The following STX8 variants were observed in gnomAD, a reference collection of about 807,000 sequenced individuals.
STX8 encodes syntaxin 8.
In STX8, 23 loss-of-function variants were observed where a neutral mutation model predicts 37.5. The observed-to-expected ratio is 0.61, with a 90% CI of 0.44 to 0.87. The LOEUF is 0.87. Among genes scored for constraint, STX8 ranks in the 40% least tolerant of loss-of-function variants. The pLI is 0.00. For synonymous variants in STX8, 115 were observed against 99.1 expected (o/e 1.16, Z -0.95); for missense variants, 313 against 284.7 (o/e 1.10, Z -0.71).
At chr17:9,362,828 C>CA (rs765809132) in intron 7 of STX8, among the ~76,000 whole-genome samples, 18,134 of 101,750 alleles carry the variant, frequency 0.18, 1,778 homozygotes, top group Non-Finnish European at 0.22. Context: ...GACTCCGTCT[C>CA]AAAAAAAAAA....
chr17:9,293,763 T>C (rs547607328), intron 7 of STX8, among the ~76,000 whole-genome samples: 1 of 146,690 alleles, frequency 6.8e-6, no homozygotes, highest in East Asian at 1.9e-4. Flanking sequence ...CCATTTATAG[T>C]ACTTTTTTTT....
chr17:9,447,385 T>C (rs376172869), intron 6 of STX8, among the ~76,000 whole-genome samples: 1 of 152,230 alleles, frequency 6.6e-6, no homozygotes, highest in African/African-American at 2.4e-5. Flanking sequence ...TGCATTTGCC[T>C]GGGGATAAAA....
At chr17:9,480,037 T>C (rs942655624) in intron 6 of STX8, among the ~76,000 whole-genome samples, 5 of 152,222 alleles carry the variant, frequency 3.3e-5, no homozygotes, top group Non-Finnish European at 7.3e-5. Context: ...TGTTCAAATA[T>C]CATTTTCCCA....
intron 6 of STX8, among the ~76,000 whole-genome samples, chr17:9,470,275 G>T (rs1326022228): frequency 1.3e-5 from 2 of 152,140 alleles, no homozygotes; most frequent in Admixed American, 6.6e-5. Flanking sequence ...CTCCTTTAAG[G>T]ATTTGAAATT....
chr17:9,373,653 A>G (rs1911485549), intron 7 of STX8, among the ~76,000 whole-genome samples: 3 of 152,206 alleles, frequency 2.0e-5, no homozygotes, highest in African/African-American at 7.2e-5. Context: ...GATGTTAAAA[A>G]AAGTGGCTGG....
chr17:9,282,473 G>A (rs1454511073), intron 7 of STX8, among the ~76,000 whole-genome samples: 3 of 152,044 alleles, frequency 2.0e-5, no homozygotes, highest in African/African-American at 7.2e-5. Context: ...TCTTTGCCTT[G>A]GTAGAGTACA....
At chr17:9,322,814 T>TAAA (rs59941529) in intron 7 of STX8, among the ~76,000 whole-genome samples, 1,054 of 64,696 alleles carry the variant, frequency 0.016, 38 homozygotes, top group Non-Finnish European at 0.021. Flanking sequence ...GTGCATTTGC[T>TAAA]AAAAAAAAAA....
intron 7 of STX8, among the ~76,000 whole-genome samples, chr17:9,346,855 C>T (rs1313683507): frequency 1.3e-5 from 2 of 152,080 alleles, no homozygotes; most frequent in Admixed American, 6.6e-5. Context: ...TTGCTGGGCA[C>T]GGTGGCTCCC....
intron 4 of STX8, among the ~76,000 whole-genome samples, chr17:9,540,121 G>A (rs1209670411): frequency 1.3e-5 from 2 of 152,140 alleles, no homozygotes; most frequent in African/African-American, 4.8e-5. Context: ...TACATAGGCA[G>A]GTGAAGGAAA....
chr17:9,255,549 A>AATAT (rs1252549360), intron 7 of STX8, among the ~76,000 whole-genome samples: 18 of 69,116 alleles, frequency 2.6e-4, no homozygotes, highest in South Asian at 1.1e-3. Context: ...TAAATAAATA[A>AATAT]ATAAATATAT....
intron 6 of STX8, among the ~76,000 whole-genome samples, chr17:9,444,758 T>C (rs994604322): frequency 3.9e-5 from 6 of 152,338 alleles, no homozygotes; most frequent in East Asian, 1.9e-4. Context: ...ACAATTTCTT[T>C]AGGATACTGG....
chr17:9,408,754 C>T (rs190426489), intron 6 of STX8, among the ~76,000 whole-genome samples: 1 of 152,288 alleles, frequency 6.6e-6, no homozygotes, highest in Non-Finnish European at 1.5e-5. Flanking sequence ...GACAATGTAT[C>T]TGGATTTCAG....
chr17:9,541,889 G>A (rs868268005), intron 4 of STX8, among the ~76,000 whole-genome samples: 3 of 152,086 alleles, frequency 2.0e-5, no homozygotes, highest in African/African-American at 7.2e-5. Context: ...TAGAGCAGTC[G>A]TTCTAACCCT....
At chr17:9,442,088 C>A (rs993974184) in intron 6 of STX8, among the ~76,000 whole-genome samples, 12 of 152,136 alleles carry the variant, frequency 7.9e-5, no homozygotes, top group Non-Finnish European at 1.8e-4. Context: ...CTGAGAGCAC[C>A]CCACGTGTCT....
chr17:9,534,877 T>C (rs77052447), intron 4 of STX8, among the ~76,000 whole-genome samples: 1,821 of 151,946 alleles, frequency 0.012, 43 homozygotes, highest in East Asian at 0.052. Context: ...TTTTAGAAAA[T>C]GTGGTACTAG....
At chr17:9,297,881 G>A (rs1908622804) in intron 7 of STX8, among the ~76,000 whole-genome samples, 1 of 152,156 alleles carries the variant, frequency 6.6e-6, no homozygotes, top group African/African-American at 2.4e-5. Context: ...GGATGCAGCA[G>A]GAGCATCTTC....
chr17:9,497,018 G>A (rs1904430155), intron 5 of STX8, among the ~76,000 whole-genome samples: 2 of 152,182 alleles, frequency 1.3e-5, no homozygotes, highest in African/African-American at 4.8e-5. Context: ...AGCAGCAATA[G>A]AAAACTAATA....
chr17:9,479,114 T>C (rs1906211960), intron 6 of STX8, among the ~76,000 whole-genome samples: 1 of 152,184 alleles, frequency 6.6e-6, no homozygotes, highest in African/African-American at 2.4e-5. Context: ...TAAACACCTG[T>C]TGAATGGATA....
At chr17:9,260,357 C>T (rs1409270500) in intron 7 of STX8, among the ~76,000 whole-genome samples, 1 of 152,088 alleles carries the variant, frequency 6.6e-6, no homozygotes, top group Non-Finnish European at 1.5e-5. Context: ...GGCGCGGTGG[C>T]TCACACCTGT....
Sources: gnomAD v4.1 joint callset for allele counts (sites outside exome capture counted in the v4.1 genomes callset) on GRCh38, gnomAD v4.1.1 for gene constraint, MANE v1.5 for transcripts, NCBI Gene and HGNC (gene_info 2026-07-23, HGNC 2026-07-21) for gene names.